LCORL: variants seen among roughly 807,000 people sequenced by gnomAD.
LCORL encodes ligand-dependent nuclear receptor corepressor-like protein.
A neutral mutation model predicts 141.8 loss-of-function variants in LCORL; 41 were observed. That is an observed-to-expected ratio of 0.29 (90% CI 0.23 to 0.38). The LOEUF is 0.38. Among genes scored for constraint, LCORL ranks in the 10% least tolerant of loss-of-function variants. The pLI is 1.00. For synonymous variants in LCORL, 618 were observed against 694.1 expected, an observed-to-expected ratio of 0.89 and a Z score of 1.72; for missense variants, 1,759 against 2,035.0, an observed-to-expected ratio of 0.86 and a Z score of 2.61.
intron 4 of LCORL, chr4:17,912,996 C>G (rs1732819492): frequency 2.8e-6 from 1 of 359,980 alleles, no homozygotes; most frequent in Admixed American, 3.0e-5. Flanking sequence ...GAAGTAGGGT[C>G]CGCTCTGGGG....
intron 6 of LCORL, chr4:17,882,152 A>T: frequency 1.0e-6 from 1 of 983,768 alleles, no homozygotes; most frequent in South Asian, 4.7e-5. Context: ...AAATCTCTTT[A>T]GTATTACACG....
intron 5 of LCORL, among the ~76,000 whole-genome samples, 175 bp from the exon 6 acceptor site, chr4:17,886,336 G>A (rs1728267132): frequency 6.6e-6 from 1 of 151,904 alleles, no homozygotes; most frequent in Non-Finnish European, 1.5e-5. Flanking sequence ...GCACTATATA[G>A]GAAAAAAAGA....
intron 1 of LCORL, among the ~76,000 whole-genome samples, chr4:18,011,229 G>C (rs1415142730): frequency 6.6e-6 from 1 of 151,926 alleles, no homozygotes; most frequent in African/African-American, 2.4e-5. Context: ...TATTTCTCAA[G>C]TTGTTCAGAG....
chr4:17,864,660 GACATTAAATGTAAGTGGTCT>G (rs1190901277), intron 7 of LCORL, among the ~76,000 whole-genome samples: 1 of 152,210 alleles, frequency 6.6e-6, no homozygotes, highest in Non-Finnish European at 1.5e-5. Context: ...TGTTAATGGT[GACATTAAATGTAAGTGGTCT>G]ACTGAAAAGG....
chr4:17,888,975 C>T (rs1399138154), intron 5 of LCORL, among the ~76,000 whole-genome samples: 1 of 152,024 alleles, frequency 6.6e-6, no homozygotes, highest in East Asian at 1.9e-4. Flanking sequence ...AATGAAATTT[C>T]CCCCATTCTA....
chr4:17,849,272 C>T (rs1723335006), intron 7 of LCORL, among the ~76,000 whole-genome samples: 1 of 152,176 alleles, frequency 6.6e-6, no homozygotes, highest in African/African-American at 2.4e-5. Flanking sequence ...TGGGAGGCAC[C>T]CCCCAGTTGG....
intron 4 of LCORL, among the ~76,000 whole-genome samples, chr4:17,914,114 A>G (rs1733002004): frequency 6.6e-6 from 1 of 152,242 alleles, no homozygotes; most frequent in African/African-American, 2.4e-5. Flanking sequence ...ACTAAAGTGC[A>G]TTATCAAAAC....
At chr4:17,948,821 A>C (rs1270935237) in intron 4 of LCORL, among the ~76,000 whole-genome samples, 3 of 149,692 alleles carry the variant, frequency 2.0e-5, no homozygotes, top group African/African-American at 7.7e-5. Context: ...CAGAGGAGTA[A>C]AGAGACAATT....
chr4:17,990,192 G>C (rs1371975282), intron 1 of LCORL, among the ~76,000 whole-genome samples: 2 of 147,226 alleles, frequency 1.4e-5, no homozygotes, highest in Non-Finnish European at 3.0e-5. Flanking sequence ...TCCGCCTCCT[G>C]GGTTCACGCC....
At chr4:18,016,854 G>A (rs1560489240) in intron 1 of LCORL, among the ~76,000 whole-genome samples, 1 of 152,166 alleles carries the variant, frequency 6.6e-6, no homozygotes, top group South Asian at 2.1e-4. Flanking sequence ...TTGTCATTCT[G>A]TTTTGCTGCT....
chr4:18,000,697 T>C (rs1381732432), intron 1 of LCORL, among the ~76,000 whole-genome samples: 1 of 152,212 alleles, frequency 6.6e-6, no homozygotes, highest in Non-Finnish European at 1.5e-5. Context: ...TTTCAAAGTT[T>C]CCCAAAACAG....
At chr4:17,898,604 A>G (rs1039826338) in intron 5 of LCORL, among the ~76,000 whole-genome samples, 5 of 147,672 alleles carry the variant, frequency 3.4e-5, no homozygotes, top group African/African-American at 1.3e-4. Flanking sequence ...GCTTTTTATT[A>G]CCTCACAAGA....
At chr4:17,877,307 A>G (rs1560278906) in exon 7 of LCORL, 21 of 1,228,944 alleles carry the variant, frequency 1.7e-5, no homozygotes, top group Non-Finnish European at 2.1e-5. Flanking sequence ...TTAAATCATT[A>G]TATGTATTAT....
intron 1 of LCORL, among the ~76,000 whole-genome samples, chr4:17,987,336 C>T (rs1719151949): frequency 6.6e-6 from 1 of 152,162 alleles, no homozygotes; most frequent in Non-Finnish European, 1.5e-5. Context: ...TGTCTGGCTT[C>T]TTTCACTGAG....
At chr4:17,969,507 T>C (rs1715537179) in intron 2 of LCORL, among the ~76,000 whole-genome samples, 2 of 152,264 alleles carry the variant, frequency 1.3e-5, no homozygotes, top group Admixed American at 6.5e-5. Flanking sequence ...GGTAGTAGGA[T>C]GAACTTTAGA....
chr4:17,912,289 C>G, intron 4 of LCORL: 1 of 681,834 alleles, frequency 1.5e-6, no homozygotes, highest in Non-Finnish European at 2.8e-6. Context: ...CACTTGGCTG[C>G]AGCTGGAGAC....
chr4:17,998,588 C>T (rs1036442966), intron 1 of LCORL, among the ~76,000 whole-genome samples: 11 of 152,144 alleles, frequency 7.2e-5, no homozygotes, highest in Non-Finnish European at 1.3e-4. Flanking sequence ...CAATAATAGG[C>T]ATGGAGCTGT....
intron 7 of LCORL, among the ~76,000 whole-genome samples, chr4:17,865,776 C>A (rs1465671188): frequency 2.6e-5 from 4 of 152,222 alleles, no homozygotes; most frequent in Admixed American, 2.6e-4. Flanking sequence ...CAATCAAACT[C>A]TGTAGGTGGA....
intron 7 of LCORL, among the ~76,000 whole-genome samples, chr4:17,859,096 T>C (rs1043606395): frequency 6.6e-6 from 1 of 152,188 alleles, no homozygotes; most frequent in Non-Finnish European, 1.5e-5. Context: ...GCAGAAACCA[T>C]GCTTTGAGTA....
Sources: allele counts gnomAD v4.1 joint callset (sites outside exome capture counted in the v4.1 genomes callset), GRCh38; gene constraint gnomAD v4.1.1; transcripts MANE v1.5; gene names NCBI Gene and HGNC (gene_info 2026-07-23, HGNC 2026-07-21).